Variants in ATXN7L1 observed in about 807,000 individuals in gnomAD.
ATXN7L1 encodes ataxin-7-like protein 1.
ATXN7L1 carries 15 observed loss-of-function variants against 70.8 expected under a neutral mutation model. That is an observed-to-expected ratio of 0.21 (90% CI 0.14 to 0.33). The LOEUF (loss-of-function observed/expected upper bound fraction) is 0.33, where lower values mean the gene tolerates loss of function less well. ATXN7L1 is among the 10% of genes least tolerant of loss of function. The pLI, the probability that ATXN7L1 is intolerant of heterozygous loss-of-function variation, is 1.00. For synonymous variants in ATXN7L1, 440 were observed against 445.1 expected (o/e 0.99, Z 0.14); for missense variants, 975 against 1,097.1 (o/e 0.89, Z 1.57).
intron 2 of ATXN7L1, among the ~76,000 whole-genome samples, chr7:105,789,918 AC>A (rs1416864592): frequency 2.6e-5 from 4 of 152,104 alleles, no homozygotes; most frequent in African/African-American, 9.7e-5. Context: ...CAACCCAAAC[AC>A]CCACCAATTG....
chr7:105,675,485 C>A (rs185190892), intron 3 of ATXN7L1, among the ~76,000 whole-genome samples: 4 of 151,922 alleles, frequency 2.6e-5, no homozygotes, highest in African/African-American at 7.3e-5. Context: ...ATTAGCCAGG[C>A]GTGGTGGTGC....
chr7:105,665,650 C>G (rs1394056179), intron 3 of ATXN7L1, among the ~76,000 whole-genome samples: 1 of 152,210 alleles, frequency 6.6e-6, no homozygotes, highest in African/African-American at 2.4e-5. Flanking sequence ...AATTCCTAGA[C>G]AGCTACACAG....
intron 3 of ATXN7L1, among the ~76,000 whole-genome samples, chr7:105,714,447 G>A (rs1013377342): frequency 2.0e-4 from 30 of 152,194 alleles, no homozygotes; most frequent in African/African-American, 7.2e-4. Context: ...AGACATCCCT[G>A]AGGGAAGCTT....
rs146316137 is a variant in ATXN7L1 at position 105,864,881 on chromosome 7, C to T, written c.250+10931G>A. On this transcript the variant is annotated intron_variant, in intron 2 of 11. Coordinates refer to ENST00000419735, the MANE Select transcript of ATXN7L1 (RefSeq NM_020725.2). ...CGAACTCCTGACCTCATGATCCACC[C>T]GCCTGGGCCTCCCAAAGTGCTGGGA... 3.2e-3 allele frequency among the ~76,000 whole-genome samples: 486 copies of T among 152,230 alleles called. 3 individuals are homozygous for T. The highest frequency in any genetic ancestry group is 0.01 in the African/African-American group (433 of 41,542).
intron 3 of ATXN7L1, chr7:105,788,285 G>A (rs966162698): frequency 2.3e-5 from 6 of 256,320 alleles, no homozygotes; most frequent in Non-Finnish European, 3.8e-5. Flanking sequence ...CTGCAGGAGC[G>A]ACTCCTTAAG....
chr7:105,832,685 A>C (rs1407338902), intron 2 of ATXN7L1, among the ~76,000 whole-genome samples: 1 of 152,164 alleles, frequency 6.6e-6, no homozygotes, highest in African/African-American at 2.4e-5. Context: ...TTGAAAGGTG[A>C]AGTTTCCACT....
At chr7:105,648,736 C>A (rs1799435875) in intron 4 of ATXN7L1, among the ~76,000 whole-genome samples, 1 of 152,246 alleles carries the variant, frequency 6.6e-6, no homozygotes, top group Non-Finnish European at 1.5e-5. Flanking sequence ...ACTTCCTCTG[C>A]TGTCACCTTC....
rs1265577557 is a variant in ATXN7L1 at position 105,777,004 on chromosome 7, AG to A, written c.355+11599del. 1.1e-4 allele frequency among the ~76,000 whole-genome samples: 16 copies of A among 152,232 alleles called. No individual in the cohort carries two copies. In the East Asian group the frequency reaches 3.1e-3, roughly 29 times the overall value. ...AGGCTGGTCTGGAACTCTTGACCTC[AG>A]GTGATCTACCCACCTTGGCCTATCC... On this transcript the variant is annotated intron_variant, in intron 3 of 11. Transcript: ENST00000419735.
intron 3 of ATXN7L1, among the ~76,000 whole-genome samples, chr7:105,784,940 C>G (rs761022970): frequency 2.0e-5 from 3 of 152,150 alleles, no homozygotes; most frequent in Non-Finnish European, 4.4e-5. Flanking sequence ...GGCTTGGACC[C>G]CTGCCCCAAT....
intron 3 of ATXN7L1, among the ~76,000 whole-genome samples, chr7:105,718,557 A>G (rs1439915336): frequency 6.6e-6 from 1 of 152,234 alleles, no homozygotes; most frequent in Non-Finnish European, 1.5e-5. Flanking sequence ...AGGTGGACAC[A>G]GATAACCCTG....
At chr7:105,668,923 T>A (rs555798503) in intron 3 of ATXN7L1, among the ~76,000 whole-genome samples, 33 of 152,118 alleles carry the variant, frequency 2.2e-4, no homozygotes, top group African/African-American at 7.2e-4. Context: ...ATATATATTT[T>A]TTTTTTGCAG....
intron 3 of ATXN7L1, among the ~76,000 whole-genome samples, chr7:105,738,304 T>C (rs1797637402): frequency 6.6e-6 from 1 of 152,202 alleles, no homozygotes; most frequent in Admixed American, 6.5e-5. Context: ...CCCAGCTCTA[T>C]ATGTCATTGT....
At chr7:105,791,390 C>G (rs1392949221) in intron 2 of ATXN7L1, among the ~76,000 whole-genome samples, 1 of 152,086 alleles carries the variant, frequency 6.6e-6, no homozygotes, top group Non-Finnish European at 1.5e-5. Context: ...GGTAGGCAGG[C>G]GGGAGGCCTG....
chr7:105,637,647 A>G (rs1797584699), intron 7 of ATXN7L1, among the ~76,000 whole-genome samples: 1 of 152,234 alleles, frequency 6.6e-6, no homozygotes, highest in Non-Finnish European at 1.5e-5. Context: ...GCTTCTGCCC[A>G]TCAAAATGGA....
intron 3 of ATXN7L1, among the ~76,000 whole-genome samples, chr7:105,742,141 T>C (rs1798083921): frequency 1.3e-5 from 2 of 152,256 alleles, no homozygotes; most frequent in Admixed American, 6.5e-5. Flanking sequence ...GAGCCCCAAC[T>C]GTCTCCTTTC....
Position 105,733,568 on chromosome 7 carries a change from T to G in ATXN7L1, c.355+55036A>C, listed in dbSNP as rs71540964. On this transcript the variant is annotated intron_variant, in intron 3 of 11. Transcript: ENST00000419735. ...CATCCATCCATCCACCCATCCATCC[T>G]TCCATCCATCCACCCATCCATCCAT... Among the ~76,000 whole-genome samples, 133 of 25,920 alleles carry G rather than the reference T, an allele frequency of 5.1e-3. 5 individuals are homozygous for G. The highest frequency in any genetic ancestry group is 0.02 in the African/African-American group (120 of 5,876). 17.0% of individuals were successfully genotyped at this position (25,920 alleles called of 152,430 possible).
chr7:105,613,853 G>A lies in ATXN7L1; in HGVS notation c.2472+9C>T, dbSNP rs1217621458. 3.2e-6 allele frequency: 5 copies of A among 1,551,832 alleles called. No individual in the cohort carries two copies. The highest frequency in any genetic ancestry group is 2.4e-5 in the East Asian group (1 of 40,914). On this transcript the variant is annotated intron_variant, in intron 10 of 11. Transcript: ENST00000419735. ...GAGCCGGTGAAGGCGGTGCCAGGAG[G>A]TCCCTTACCTGCCGAGAGGAGGTGC...
intron 4 of ATXN7L1, among the ~76,000 whole-genome samples, chr7:105,651,272 T>C (rs764756420): frequency 1.3e-5 from 2 of 152,208 alleles, no homozygotes; most frequent in Non-Finnish European, 1.5e-5. Context: ...CAAATGAAGA[T>C]AATAAGAGAT....
intron 5 of ATXN7L1, 30 bp from the exon 6 acceptor site, chr7:105,639,599 GA>G: frequency 6.8e-7 from 1 of 1,465,040 alleles, no homozygotes. Context: ...AAAAATATAA[GA>G]AAAAAGGAGA....
Sources: allele counts gnomAD v4.1 joint callset (sites outside exome capture counted in the v4.1 genomes callset), GRCh38; gene constraint gnomAD v4.1.1; transcripts MANE v1.5; gene names NCBI Gene and HGNC (gene_info 2026-07-23, HGNC 2026-07-21).